PPARGC1A: variants seen among roughly 807,000 people sequenced by gnomAD.
The protein encoded by PPARGC1A is peroxisome proliferator-activated receptor gamma coactivator 1-alpha.
PPARGC1A carries 25 observed loss-of-function variants against 88.7 expected under a neutral mutation model. That is an observed-to-expected ratio of 0.28 (90% CI 0.21 to 0.39). The LOEUF is 0.39. PPARGC1A is among the 10% of genes least tolerant of loss of function. The pLI is 1.00. For synonymous variants in PPARGC1A, 363 were observed against 355.6 expected (o/e 1.02, Z -0.24); for missense variants, 880 against 968.7 (o/e 0.91, Z 1.22).
the PPARGC1A span, among the ~76,000 whole-genome samples, chr4:24,284,192 C>T: frequency 7.7e-4 from 117 of 151,310 alleles, 1 homozygote; most frequent in African/African-American, 2.7e-3. Flanking sequence ...GTAATCCCAG[C>T]TATTTACTCA....
the PPARGC1A span, among the ~76,000 whole-genome samples, chr4:24,433,102 G>C: frequency 6.6e-6 from 1 of 152,124 alleles, no homozygotes; most frequent in African/African-American, 2.4e-5. Context: ...TTTTGTTAGC[G>C]GACTCCATAA....
At chr4:24,052,159 A>C in the PPARGC1A span, among the ~76,000 whole-genome samples, 1 of 152,212 alleles carries the variant, frequency 6.6e-6, no homozygotes, top group Non-Finnish European at 1.5e-5. Context: ...ATTGAAAATC[A>C]TATAAGGGAG....
At chr4:24,217,081 C>T in the PPARGC1A span, among the ~76,000 whole-genome samples, 2 of 152,132 alleles carry the variant, frequency 1.3e-5, no homozygotes, top group African/African-American at 4.8e-5. Context: ...TGAATACATG[C>T]ATGTGTTGAG....
chr4:23,874,552 T>C (rs892569408), intron 2 of PPARGC1A, among the ~76,000 whole-genome samples: 3 of 148,654 alleles, frequency 2.0e-5, no homozygotes, highest in Non-Finnish European at 3.0e-5. Context: ...ATCACTTTTT[T>C]CCCCCTAAAA....
At chr4:24,416,521 G>C in the PPARGC1A span, among the ~76,000 whole-genome samples, 1 of 152,166 alleles carries the variant, frequency 6.6e-6, no homozygotes, top group African/African-American at 2.4e-5. Flanking sequence ...AGACCTGACT[G>C]CACTTGGCAA....
chr4:23,970,777 G>T, the PPARGC1A span, among the ~76,000 whole-genome samples: 3 of 152,094 alleles, frequency 2.0e-5, no homozygotes, highest in African/African-American at 7.2e-5. Flanking sequence ...ATACCAGGTC[G>T]GTATCTATTC....
At chr4:24,460,767 A>C in the PPARGC1A span, among the ~76,000 whole-genome samples, 1 of 152,198 alleles carries the variant, frequency 6.6e-6, no homozygotes, top group Non-Finnish European at 1.5e-5. Context: ...TGGGCCTCAC[A>C]GTGTGTCCTC....
chr4:24,182,107 C>A, the PPARGC1A span, among the ~76,000 whole-genome samples: 1 of 151,926 alleles, frequency 6.6e-6, no homozygotes, highest in Non-Finnish European at 1.5e-5. Flanking sequence ...GGTTTTAAGT[C>A]CCGCATGCAT....
intron 2 of PPARGC1A, among the ~76,000 whole-genome samples, chr4:23,837,098 T>C (rs768653191): frequency 6.6e-6 from 1 of 152,176 alleles, no homozygotes; most frequent in Non-Finnish European, 1.5e-5. Context: ...TTGATAAAAA[T>C]AGTTTAATAG....
At chr4:24,032,547 C>T in the PPARGC1A span, among the ~76,000 whole-genome samples, 1 of 152,224 alleles carries the variant, frequency 6.6e-6, no homozygotes, top group Non-Finnish European at 1.5e-5. Flanking sequence ...TTCCATCTGA[C>T]ATTTGCATTT....
chr4:24,027,498 T>G, the PPARGC1A span, among the ~76,000 whole-genome samples: 4 of 152,182 alleles, frequency 2.6e-5, no homozygotes, highest in African/African-American at 9.7e-5. Context: ...AAAAACTAAG[T>G]AAATGTTAAT....
chr4:24,375,794 T>C, the PPARGC1A span, among the ~76,000 whole-genome samples: 1 of 152,006 alleles, frequency 6.6e-6, no homozygotes, highest in Non-Finnish European at 1.5e-5. Flanking sequence ...AACGGAGGTA[T>C]TTAGGTTCAG....
the PPARGC1A span, among the ~76,000 whole-genome samples, chr4:24,374,015 A>T: frequency 6.6e-6 from 1 of 152,194 alleles, no homozygotes; most frequent in Non-Finnish European, 1.5e-5. Flanking sequence ...TTAAAACACC[A>T]CTTGTCAGTA....
the PPARGC1A span, among the ~76,000 whole-genome samples, chr4:24,304,228 G>C: frequency 6.6e-6 from 1 of 152,200 alleles, no homozygotes; most frequent in African/African-American, 2.4e-5. Context: ...TCCAAGGGAA[G>C]CTTTGTGCAC....
chr4:23,923,056 AC>A, the PPARGC1A span, among the ~76,000 whole-genome samples: 2 of 149,234 alleles, frequency 1.3e-5, no homozygotes, highest in Non-Finnish European at 3.0e-5. Context: ...ATGCTGTACA[AC>A]CCCAGGTTGT....
chr4:24,029,858 C>A, the PPARGC1A span, among the ~76,000 whole-genome samples: 1 of 152,154 alleles, frequency 6.6e-6, no homozygotes, highest in Non-Finnish European at 1.5e-5. Context: ...CACCATTTGA[C>A]TGAAAACCTG....
the PPARGC1A span, among the ~76,000 whole-genome samples, chr4:24,408,594 C>A: frequency 2.0e-5 from 3 of 152,276 alleles, no homozygotes; most frequent in Admixed American, 2.0e-4. Flanking sequence ...AACTCTTGCT[C>A]CTAGAATATT....
the PPARGC1A span, among the ~76,000 whole-genome samples, chr4:24,233,126 T>G: frequency 2.1e-4 from 10 of 47,024 alleles, no homozygotes; most frequent in Admixed American, 1.3e-3. Context: ...GTCTCCAAAG[T>G]GTTTTGGAAT....
intron 2 of PPARGC1A, among the ~76,000 whole-genome samples, chr4:23,852,441 G>A (rs181917158): frequency 7.5e-4 from 110 of 147,418 alleles, no homozygotes; most frequent in African/African-American, 2.4e-3. Flanking sequence ...CTACAGCCCT[G>A]ACATAGAATT....
Sources: allele counts gnomAD v4.1 joint callset (sites outside exome capture counted in the v4.1 genomes callset), GRCh38; gene constraint gnomAD v4.1.1; transcripts MANE v1.5; gene names NCBI Gene and HGNC (gene_info 2026-07-23, HGNC 2026-07-21).